CDCA2: variants seen among roughly 807,000 people sequenced by gnomAD.
The protein encoded by CDCA2 is cell division cycle-associated protein 2.
CDCA2 carries 44 observed loss-of-function variants against 67.0 expected under a neutral mutation model. The observed-to-expected ratio is 0.66, with a 90% CI of 0.52 to 0.84. CDCA2 has a LOEUF of 0.84. CDCA2 is among the 40% of genes least tolerant of loss of function. The probability of loss-of-function intolerance (pLI) is 0.00; values close to 1 mark genes in which losing one functional copy is unlikely to be tolerated. For synonymous variants in CDCA2, 447 were observed against 418.7 expected (o/e 1.07, Z -0.82); for missense variants, 1,253 against 1,203.2 (o/e 1.04, Z -0.61).
At chr8:25,475,243 G>T (rs549272842) in intron 7 of CDCA2, among the ~76,000 whole-genome samples, 6 of 152,060 alleles carry the variant, frequency 3.9e-5, no homozygotes, top group Non-Finnish European at 5.9e-5. Flanking sequence ...TATTTGGGCT[G>T]GGTGTAGTGG....
At chr8:25,469,197 G>T (rs1469688246) in intron 6 of CDCA2, among the ~76,000 whole-genome samples, 3 of 152,166 alleles carry the variant, frequency 2.0e-5, no homozygotes, top group African/African-American at 7.2e-5. Flanking sequence ...CACTTTCTCT[G>T]TCACTTAGAT....
chr8:25,462,886 GC>G (rs1355317485), intron 4 of CDCA2, among the ~76,000 whole-genome samples: 1 of 152,106 alleles, frequency 6.6e-6, no homozygotes, highest in Non-Finnish European at 1.5e-5. Flanking sequence ...TCACTATGTT[GC>G]CCAGGCTTAT....
intron 13 of CDCA2, among the ~76,000 whole-genome samples, chr8:25,492,288 A>AC (rs1489610950): frequency 6.6e-6 from 1 of 151,224 alleles, no homozygotes; most frequent in African/African-American, 2.4e-5. Flanking sequence ...TGGAGGAGGA[A>AC]CTCTAGCAAA....
intron 13 of CDCA2, among the ~76,000 whole-genome samples, chr8:25,489,134 G>T (rs1307688068): frequency 6.6e-6 from 1 of 152,022 alleles, no homozygotes. Context: ...AACACTTCTG[G>T]TCGTCTCAGA....
At chr8:25,461,912 C>G (rs528033959) in intron 3 of CDCA2, 142 bp from the exon 4 acceptor site, 1 of 709,196 alleles carries the variant, frequency 1.4e-6, no homozygotes, top group African/African-American at 1.8e-5. Context: ...ATATGAATGA[C>G]TGTGCCAGTA....
At position 25,488,669 on chromosome 8, in the gene CDCA2, G is replaced by A. The variant is rs371866632; in HGVS notation, c.1651G>A (p.Ala551Thr). 8.1e-6 allele frequency: 13 copies of A among 1,608,586 alleles called. No individual in the cohort carries two copies. The African/African-American group carries it at 1.7e-4, about 22-fold the overall frequency. The change falls in exon 13 of 15, where the codon GCA (alanine) becomes ACA (threonine). Residue 551 changes from alanine (A) to threonine (T), a missense_variant. Ala to Thr is a moderately conservative substitution (Grantham distance 58, BLOSUM62 0). Coordinates refer to ENST00000330560, the MANE Select transcript of CDCA2 (RefSeq NM_152562.4). Reference protein sequence around the residue: ...KSQETKCTKRALPKKSQVLKS... With the variant: ...KSQETKCTKRTLPKKSQVLKS... ...TCAAGAAACAAAGTGTACAAAGAGA[G>A]CACTTCCTAAGAAGAGTCAGGTAAG...
chr8:25,460,140 T>G, intron 1 of CDCA2, 100 bp from the exon 2 acceptor site: 1 of 1,120,204 alleles, frequency 8.9e-7, no homozygotes, highest in South Asian at 1.2e-5. Context: ...TCTATGCCAG[T>G]ATGGACTGTA....
intron 3 of CDCA2, 82 bp downstream of exon 3, chr8:25,460,636 G>A (rs1320592267): frequency 6.4e-5 from 91 of 1,412,798 alleles, no homozygotes; most frequent in Non-Finnish European, 8.2e-5. Flanking sequence ...TTGTTTATAC[G>A]TACTGTCATA....
At position 25,507,504 on chromosome 8, in the gene CDCA2, A is replaced by G. The variant is rs771809446; in HGVS notation, c.2838A>G (p.Gln946=). 1.8e-5 allele frequency: 29 copies of G among 1,613,698 alleles called. 1 individual carries two copies. Among genetic ancestry groups the G allele is most frequent in the Non-Finnish European group, 2.5e-5 (29 of 1,179,926 alleles). ...TAAAAGAAACTGTGTCCTCCAGACA[A>G]AAACCGCAGATGGCACCTCCCGTCT... ...SPIKETVSSR[Q]KPQMAPPVSD... Residue 946 remains glutamine, a synonymous_variant, in exon 15 of 15, where the codon CAA becomes CAG. Coordinates refer to ENST00000330560, the MANE Select transcript of CDCA2 (RefSeq NM_152562.4).
chr8:25,506,908 A>C lies in CDCA2; in HGVS notation c.2242A>C (p.Asn748His). Residue 748 changes from asparagine (N) to histidine (H), a missense_variant, in exon 15 of 15, where the codon AAC (asparagine) becomes CAC (histidine). By Grantham distance (68) the Asn-to-His change is moderately conservative. Coordinates refer to ENST00000330560, the MANE Select transcript of CDCA2 (RefSeq NM_152562.4). ...EFSAGGQNAE[N>H]LCQFFKISPD... Reference sequence around the variant, plus strand: ...TTCTGCTGGTGGTCAAAATGCAGAAAACCTTTGTCAGTTCTTTAAAATTTC... The same window carrying C: ...TTCTGCTGGTGGTCAAAATGCAGAACACCTTTGTCAGTTCTTTAAAATTTC... 6.2e-7 allele frequency: 1 copy of C among 1,612,186 alleles called. No individual in the cohort carries two copies. Among genetic ancestry groups the C allele is most frequent in the Non-Finnish European group, 8.5e-7 (1 of 1,179,130 alleles).
chr8:25,489,568 A>G (rs530093122), intron 13 of CDCA2, among the ~76,000 whole-genome samples: 3 of 152,322 alleles, frequency 2.0e-5, no homozygotes, highest in Admixed American at 6.5e-5. Flanking sequence ...AGTTGGGGAT[A>G]GTACTACTAC....
intron 7 of CDCA2, 69 bp from the exon 8 acceptor site, chr8:25,479,844 T>C (rs1020997977): frequency 7.0e-7 from 1 of 1,423,412 alleles, no homozygotes; most frequent in African/African-American, 1.4e-5. Flanking sequence ...GCAAATACTA[T>C]ATTTTTGGTC....
chr8:25,480,008 G>A lies in CDCA2; in HGVS notation c.916G>A (p.Asp306Asn), dbSNP rs1409647078. Residue 306 changes from aspartate to asparagine, a missense_variant, in exon 8 of 15, where the codon GAT (aspartate) becomes AAT (asparagine). Asp to Asn is a conservative substitution (Grantham distance 23). Transcript: ENST00000330560. ...AGAAGTGAGCTCAGACGCAGTCCCT[G>A]ATGTCAGGTCACCAGCTACTCCAGC... ...TAEVSSDAVP[D>N]VRSPATPACR... is the part of the protein sequence containing the mutation. 2 of 1,614,126 alleles carry A rather than the reference G, an allele frequency of 1.2e-6. No individual in the cohort carries two copies. Among genetic ancestry groups the A allele is most frequent in the South Asian group, 1.1e-5 (1 of 91,080 alleles).
At chr8:25,483,920 A>G (rs752574217) in intron 9 of CDCA2, 46 bp from the exon 10 acceptor site, 2 of 1,535,052 alleles carry the variant, frequency 1.3e-6, no homozygotes, top group South Asian at 2.3e-5. Context: ...TAGATAAGAA[A>G]TATAGCTTAA....
intron 7 of CDCA2, chr8:25,471,974 A>G (rs937953099): frequency 4.6e-5 from 7 of 152,250 alleles, no homozygotes; most frequent in South Asian, 2.1e-4. Context: ...GGCACCCCAG[A>G]CAGTGCACCT....
intron 9 of CDCA2, among the ~76,000 whole-genome samples, 162 bp from the exon 10 acceptor site, chr8:25,483,803 AT>A (rs1315861693): frequency 2.0e-5 from 3 of 152,202 alleles, no homozygotes; most frequent in African/African-American, 7.2e-5. Flanking sequence ...TATCTTCTCC[AT>A]TTTGAATTTG....
chr8:25,483,787 T>C (rs1803658924), intron 9 of CDCA2, among the ~76,000 whole-genome samples, 179 bp from the exon 10 acceptor site: 2 of 152,216 alleles, frequency 1.3e-5, no homozygotes, highest in Non-Finnish European at 2.9e-5. Context: ...TAATTGGAAA[T>C]GTGCTTATCT....
rs1454379810 is a variant in CDCA2 at position 25,459,241 on chromosome 8, C to G, written c.-233C>G. On this transcript the variant is annotated 5_prime_UTR_variant, in exon 1 of 15. Transcript: ENST00000330560. ...GGGCGGAGGAGGCGGGTGGAGGAGG[C>G]TGCCGGGCAGAGCGCAGGCCAGGAT... The G allele has an allele frequency of 6.6e-6, 1 of 152,668 alleles. No homozygotes were observed. Among genetic ancestry groups the G allele is most frequent in the African/African-American group, 2.4e-5 (1 of 41,448 alleles). 9.5% of individuals were successfully genotyped at this position (152,668 alleles called of 1,614,324 possible).
chr8:25,464,280 G>C (rs1230215611), intron 4 of CDCA2, among the ~76,000 whole-genome samples: 1 of 152,160 alleles, frequency 6.6e-6, no homozygotes, highest in Non-Finnish European at 1.5e-5. Context: ...TCTGGGTGTG[G>C]TGGCACATGC....
Sources: allele counts gnomAD v4.1 joint callset (sites outside exome capture counted in the v4.1 genomes callset), GRCh38; gene constraint gnomAD v4.1.1; transcripts MANE v1.5; gene names NCBI Gene and HGNC (gene_info 2026-07-23, HGNC 2026-07-21).